The following KIAA1217 variants were observed in gnomAD, a reference collection of about 807,000 sequenced individuals.
KIAA1217 encodes the protein KIAA1217.
In KIAA1217, 88 loss-of-function variants were observed where a neutral mutation model predicts 163.9. The ratio of observed to expected loss-of-function variants is 0.54; its 90% CI spans 0.45 to 0.64. The LOEUF (loss-of-function observed/expected upper bound fraction) is 0.64, where lower values mean the gene tolerates loss of function less well. Among genes scored for constraint, KIAA1217 ranks in the 30% least tolerant of loss-of-function variants. KIAA1217 has a pLI of 0.00. For synonymous variants in KIAA1217, 903 were observed against 923.1 expected (o/e 0.98, Z 0.39); for missense variants, 2,372 against 2,475.0 (o/e 0.96, Z 0.88).
intron 2 of KIAA1217, among the ~76,000 whole-genome samples, chr10:24,340,406 C>T (rs1036301050): frequency 4.6e-5 from 7 of 152,158 alleles, no homozygotes; most frequent in African/African-American, 1.7e-4. Context: ...TTCTCTCTTG[C>T]CTGCTGCCAC....
At chr10:23,779,493 G>A (rs185491224) in intron 1 of KIAA1217, among the ~76,000 whole-genome samples, 3 of 152,156 alleles carry the variant, frequency 2.0e-5, no homozygotes, top group Admixed American at 6.5e-5. Context: ...GAATGTTTTC[G>A]GTCAAGGCCA....
intron 2 of KIAA1217, among the ~76,000 whole-genome samples, chr10:24,366,819 C>T (rs1362752536): frequency 6.6e-6 from 1 of 152,218 alleles, no homozygotes; most frequent in Non-Finnish European, 1.5e-5. Context: ...AGCTCTGGGA[C>T]AACCTCAGGG....
At chr10:24,304,129 A>AT (rs5783885) in intron 2 of KIAA1217, among the ~76,000 whole-genome samples, 2,923 of 136,892 alleles carry the variant, frequency 0.021, 77 homozygotes, top group African/African-American at 0.058. Flanking sequence ...AATCCTCCAC[A>AT]TTTTTTTTTT....
intron 1 of KIAA1217, among the ~76,000 whole-genome samples, chr10:23,934,444 C>T (rs2131318461): frequency 6.7e-6 from 1 of 149,338 alleles, no homozygotes; most frequent in East Asian, 2.0e-4. Flanking sequence ...ACCACCATGG[C>T]ACACGTATAC....
At chr10:24,343,939 T>C (rs1477525451) in intron 2 of KIAA1217, among the ~76,000 whole-genome samples, 1 of 152,228 alleles carries the variant, frequency 6.6e-6, no homozygotes, top group Non-Finnish European at 1.5e-5. Flanking sequence ...TTCATTCCAT[T>C]GAGCTGTTTT....
At chr10:23,883,709 T>G (rs974582151) in intron 1 of KIAA1217, among the ~76,000 whole-genome samples, 13 of 151,966 alleles carry the variant, frequency 8.6e-5, no homozygotes, top group African/African-American at 3.1e-4. Flanking sequence ...TATAATGACA[T>G]GTAGCCACTA....
At chr10:23,748,087 A>G (rs992479952) in intron 1 of KIAA1217, among the ~76,000 whole-genome samples, 2 of 152,068 alleles carry the variant, frequency 1.3e-5, no homozygotes, top group Non-Finnish European at 2.9e-5. Context: ...TGCTTCTCAA[A>G]ATGGAAGCCC....
intron 2 of KIAA1217, among the ~76,000 whole-genome samples, chr10:24,120,394 T>A (rs113404730): frequency 7.0e-4 from 106 of 152,046 alleles, no homozygotes; most frequent in Non-Finnish European, 1.3e-3. Flanking sequence ...AAAATGAGAG[T>A]CTGGTTCTTG....
chr10:24,065,121 G>T (rs548548367), intron 2 of KIAA1217, among the ~76,000 whole-genome samples: 10 of 152,070 alleles, frequency 6.6e-5, no homozygotes, highest in African/African-American at 2.4e-4. Flanking sequence ...TTTTTGAAGG[G>T]TTTTTTGTGT....
chr10:24,164,790 G>C (rs59755412), intron 2 of KIAA1217, among the ~76,000 whole-genome samples: 1 of 152,124 alleles, frequency 6.6e-6, no homozygotes, highest in Non-Finnish European at 1.5e-5. Context: ...AGGTGGAAAG[G>C]CCCTGCTATC....
chr10:23,825,873 G>A (rs1837872676), intron 1 of KIAA1217, among the ~76,000 whole-genome samples: 1 of 152,154 alleles, frequency 6.6e-6, no homozygotes, highest in African/African-American at 2.4e-5. Context: ...CTGACACTCG[G>A]TGTTTTTATG....
chr10:24,244,956 A>G (rs1590183650), intron 2 of KIAA1217, among the ~76,000 whole-genome samples: 1 of 152,116 alleles, frequency 6.6e-6, no homozygotes, highest in African/African-American at 2.4e-5. Flanking sequence ...TCCTGGTTGT[A>G]TAATTACAAG....
intron 2 of KIAA1217, among the ~76,000 whole-genome samples, chr10:24,230,049 T>C (rs1237201776): frequency 6.6e-6 from 1 of 152,180 alleles, no homozygotes; most frequent in Admixed American, 6.5e-5. Context: ...AATATCCTTA[T>C]GCAAACTATG....
chr10:24,281,962 C>T (rs1297811232), intron 2 of KIAA1217, among the ~76,000 whole-genome samples: 3 of 152,006 alleles, frequency 2.0e-5, no homozygotes, highest in African/African-American at 7.3e-5. Context: ...GAGGCTGAGG[C>T]AGGAGAATGG....
At chr10:23,775,697 A>G (rs1239916217) in intron 1 of KIAA1217, among the ~76,000 whole-genome samples, 3 of 152,236 alleles carry the variant, frequency 2.0e-5, no homozygotes, top group South Asian at 4.1e-4. Flanking sequence ...ATGATGGACT[A>G]TACCTTTTAG....
intron 1 of KIAA1217, among the ~76,000 whole-genome samples, chr10:23,845,315 G>C (rs1038417132): frequency 6.6e-6 from 1 of 152,274 alleles, no homozygotes; most frequent in South Asian, 2.1e-4. Context: ...TCACCACACT[G>C]TCTTCCACAA....
At position 24,340,395 on chromosome 10, in the gene KIAA1217, C is replaced by A. The variant is rs77608085; in HGVS notation, c.355-40474C>A. Among the ~76,000 whole-genome samples, 692 of 152,248 alleles carry A rather than the reference C, an allele frequency of 4.5e-3. 4 individuals are homozygous for A. In the East Asian group the frequency reaches 0.053, roughly 12 times the overall value. Reference sequence around the variant, plus strand: ...GGGTTAACCCTTTCACTTGCCTCTCCTTCTCTCTTGCCTGCTGCCACGTAA... The same window carrying A: ...GGGTTAACCCTTTCACTTGCCTCTCATTCTCTCTTGCCTGCTGCCACGTAA... On this transcript the variant is annotated intron_variant, in intron 2 of 20. Transcript: ENST00000376454.
At chr10:23,755,652 G>A (rs1198359296) in intron 1 of KIAA1217, among the ~76,000 whole-genome samples, 1 of 152,086 alleles carries the variant, frequency 6.6e-6, no homozygotes, top group African/African-American at 2.4e-5. Flanking sequence ...AAGCCTAGGG[G>A]GAGAAGACTT....
At chr10:24,379,513 A>G (rs945412803) in intron 2 of KIAA1217, among the ~76,000 whole-genome samples, 38 of 152,116 alleles carry the variant, frequency 2.5e-4, no homozygotes, top group African/African-American at 8.7e-4. Flanking sequence ...GAAGGTACTG[A>G]CCTTATCCCT....
Sources: allele counts gnomAD v4.1 joint callset (sites outside exome capture counted in the v4.1 genomes callset), GRCh38; gene constraint gnomAD v4.1.1; transcripts MANE v1.5; gene names NCBI Gene and HGNC (gene_info 2026-07-23, HGNC 2026-07-21).